The following DRC11L variants were observed in gnomAD, a reference collection of about 807,000 sequenced individuals.
DRC11L encodes dynein regulatory complex subunit like-11.
the DRC11L span, chr7:151,197,869 A>T: frequency 1.0e-4 from 41 of 399,348 alleles, 2 homozygotes; most frequent in African/African-American, 8.0e-4. Context: ...CCACCTGAAG[A>T]CGCATCTGGA....
At chr7:151,195,708 A>T in the DRC11L span, 1 of 399,396 alleles carries the variant, frequency 2.5e-6, no homozygotes, top group East Asian at 3.6e-5. Flanking sequence ...CTGGGAGGAC[A>T]GGTGGGAGAG....
the DRC11L span, chr7:151,196,125 T>C: frequency 1.3e-4 from 37 of 278,886 alleles, no homozygotes; most frequent in Non-Finnish European, 1.4e-4. Flanking sequence ...AGAGGGTTCC[T>C]GAGGATGGTG....
At chr7:151,205,155 G>A in the DRC11L span, among the ~76,000 whole-genome samples, 1 of 152,122 alleles carries the variant, frequency 6.6e-6, no homozygotes, top group Non-Finnish European at 1.5e-5. Context: ...GGGGCAGTGG[G>A]GCCCTCCAGG....
chr7:151,191,769 G>A, the DRC11L span: 1 of 399,062 alleles, frequency 2.5e-6, no homozygotes, highest in Non-Finnish European at 4.4e-6. Context: ...TGGATGGCTT[G>A]GAGAATGTGA....
the DRC11L span, chr7:151,203,056 A>C: frequency 2.5e-6 from 1 of 399,512 alleles, no homozygotes; most frequent in Non-Finnish European, 4.4e-6. Context: ...TGCCTTTTGC[A>C]CTAGAATTAT....
the DRC11L span, chr7:151,194,272 A>T: frequency 2.5e-6 from 1 of 399,082 alleles, no homozygotes; most frequent in Admixed American, 4.4e-5. Context: ...GAAGGACCGC[A>T]TACAAAGCCA....
chr7:151,193,917 A>G, the DRC11L span, among the ~76,000 whole-genome samples: 1 of 152,024 alleles, frequency 6.6e-6, no homozygotes, highest in African/African-American at 2.4e-5. Flanking sequence ...AAAAAAAAAA[A>G]AAAAAGGAAG....
chr7:151,197,396 T>C, the DRC11L span: 155 of 398,974 alleles, frequency 3.9e-4, no homozygotes, highest in African/African-American at 2.9e-3. Flanking sequence ...CCCTGGGTTT[T>C]ACAGAAGAGA....
chr7:151,197,939 T>C, the DRC11L span: 68 of 398,058 alleles, frequency 1.7e-4, no homozygotes, highest in African/African-American at 1.3e-3. Flanking sequence ...GACAGAAAGA[T>C]GAATAGATGG....
At chr7:151,196,218 G>A in the DRC11L span, among the ~76,000 whole-genome samples, 20,524 of 152,178 alleles carry the variant, frequency 0.13, 1,807 homozygotes, top group Non-Finnish European at 0.19. Flanking sequence ...AAGTGGGACC[G>A]GGGGAGGCAG....
the DRC11L span, chr7:151,195,396 A>G: frequency 5.0e-6 from 2 of 399,054 alleles, no homozygotes; most frequent in Middle Eastern, 6.3e-4. Flanking sequence ...CACCACCACC[A>G]CCATGCAAAG....
the DRC11L span, among the ~76,000 whole-genome samples, chr7:151,192,079 T>A: frequency 6.6e-6 from 1 of 152,128 alleles, no homozygotes. Flanking sequence ...CCCGAGGAAT[T>A]AGAGCCTCGG....
At chr7:151,194,438 C>T in the DRC11L span, 6 of 398,640 alleles carry the variant, frequency 1.5e-5, no homozygotes, top group South Asian at 1.3e-4. Context: ...ACAGGGAAGG[C>T]GGGGCTGGTG....
the DRC11L span, chr7:151,197,055 A>G: frequency 2.5e-6 from 1 of 399,764 alleles, no homozygotes; most frequent in Middle Eastern, 6.3e-4. Context: ...TCCACTTCCT[A>G]GAATAGAAAC....
the DRC11L span, chr7:151,191,512 A>G: frequency 2.5e-6 from 1 of 397,708 alleles, no homozygotes; most frequent in Non-Finnish European, 4.4e-6. Context: ...GCTGAGCTCC[A>G]CACACATTTC....
At chr7:151,194,785 C>A in the DRC11L span, among the ~76,000 whole-genome samples, 1 of 152,188 alleles carries the variant, frequency 6.6e-6, no homozygotes, top group Non-Finnish European at 1.5e-5. Context: ...AGGTATGGCA[C>A]CAAATCACTG....
At chr7:151,203,700 A>C in the DRC11L span, among the ~76,000 whole-genome samples, 1 of 152,150 alleles carries the variant, frequency 6.6e-6, no homozygotes, top group Non-Finnish European at 1.5e-5. Flanking sequence ...CTCTGCCCCC[A>C]TCCTCTGGCT....
At chr7:151,197,136 T>G in the DRC11L span, 1 of 399,816 alleles carries the variant, frequency 2.5e-6, no homozygotes, top group Non-Finnish European at 4.4e-6. Context: ...GAACCCATCT[T>G]CCTACCACGA....
At chr7:151,203,961 G>C in the DRC11L span, among the ~76,000 whole-genome samples, 12,897 of 152,204 alleles carry the variant, frequency 0.085, 1,392 homozygotes, top group African/African-American at 0.25. Flanking sequence ...GACTGGAGGC[G>C]CCGCAGAAGC....
Sources: gnomAD v4.1 joint callset for allele counts (sites outside exome capture counted in the v4.1 genomes callset) on GRCh38, gnomAD v4.1.1 for gene constraint, MANE v1.5 for transcripts, NCBI Gene and HGNC (gene_info 2026-07-23, HGNC 2026-07-21) for gene names.